The following AGBL1 variants were observed in gnomAD, a reference collection of about 807,000 sequenced individuals.
AGBL1 encodes the protein AGBL carboxypeptidase 1.
AGBL1 carries 130 observed loss-of-function variants against 118.9 expected under a neutral mutation model. The observed-to-expected ratio is 1.09, with a 90% CI of 0.95 to 1.26. The LOEUF (loss-of-function observed/expected upper bound fraction) is 1.26. Ranked by LOEUF, AGBL1 falls within the 50% of genes most tolerant of loss-of-function variation. The pLI is 0.00. For missense variants in AGBL1, 1,584 were observed against 1,298.1 expected (o/e 1.22, Z -3.38); for synonymous variants, 555 against 478.9 (o/e 1.16, Z -2.08).
At chr15:86,724,214 T>C (rs865970651) in intron 22 of AGBL1, among the ~76,000 whole-genome samples, 91 of 118,646 alleles carry the variant, frequency 7.7e-4, no homozygotes, top group African/African-American at 2.8e-3. Context: ...CCAGCCTGGA[T>C]GACAGAGTGA....
chr15:86,814,575 T>G (rs1470811), intron 22 of AGBL1, among the ~76,000 whole-genome samples: 102,420 of 151,980 alleles, frequency 0.67, 34,481 homozygotes, highest in Middle Eastern at 0.71. Context: ...CCATATTCCA[T>G]CAGGTAGAGA....
intron 22 of AGBL1, among the ~76,000 whole-genome samples, chr15:86,711,834 T>C (rs1013474973): frequency 1.3e-5 from 2 of 152,210 alleles, no homozygotes; most frequent in Non-Finnish European, 2.9e-5. Context: ...AAAAAAAGAT[T>C]GTCCACTCTT....
chr15:86,233,049 C>T (rs546122900), intron 6 of AGBL1, among the ~76,000 whole-genome samples: 1 of 152,284 alleles, frequency 6.6e-6, no homozygotes, highest in African/African-American at 2.4e-5. Context: ...ATTTTACATG[C>T]AAGGAAGGTG....
chr15:86,610,067 T>G (rs1319933255), intron 21 of AGBL1, among the ~76,000 whole-genome samples: 1 of 152,198 alleles, frequency 6.6e-6, no homozygotes, highest in Non-Finnish European at 1.5e-5. Context: ...CATCAAACTT[T>G]TAATGTCTCT....
chr15:86,444,530 A>C (rs562362181), intron 18 of AGBL1, among the ~76,000 whole-genome samples: 1 of 152,320 alleles, frequency 6.6e-6, no homozygotes, highest in East Asian at 1.9e-4. Context: ...GCCAAAAGCT[A>C]TCTGGGGGCA....
intron 22 of AGBL1, among the ~76,000 whole-genome samples, chr15:86,796,007 C>T (rs573368547): frequency 6.6e-6 from 1 of 152,110 alleles, no homozygotes; most frequent in African/African-American, 2.4e-5. Context: ...ATGAGGCACT[C>T]AAGACTATGC....
At chr15:86,785,117 C>A (rs767027414) in intron 22 of AGBL1, among the ~76,000 whole-genome samples, 13 of 152,098 alleles carry the variant, frequency 8.5e-5, no homozygotes, top group Non-Finnish European at 1.8e-4. Context: ...GGTGCACTCT[C>A]TGCCCTTTCC....
At chr15:86,886,238 T>C (rs370998926) in intron 22 of AGBL1, among the ~76,000 whole-genome samples, 1 of 152,350 alleles carries the variant, frequency 6.6e-6, no homozygotes, top group East Asian at 1.9e-4. Context: ...TATATTAGTA[T>C]ATTTGCCTAT....
At chr15:86,604,891 G>C (rs1272458079) in intron 21 of AGBL1, among the ~76,000 whole-genome samples, 1 of 150,884 alleles carries the variant, frequency 6.6e-6, no homozygotes, top group African/African-American at 2.4e-5. Context: ...CGCCTCCTGG[G>C]TTCAAACAAT....
chr15:86,846,943 A>AT (rs2141450094), intron 22 of AGBL1, among the ~76,000 whole-genome samples: 2 of 151,938 alleles, frequency 1.3e-5, no homozygotes, highest in East Asian at 3.9e-4. Flanking sequence ...TTAAGTTTCC[A>AT]TTTTTTATCT....
intron 22 of AGBL1, among the ~76,000 whole-genome samples, chr15:86,803,091 G>C (rs889635063): frequency 6.6e-5 from 10 of 152,098 alleles, no homozygotes; most frequent in Non-Finnish European, 1.5e-4. Flanking sequence ...GTATGGTGAA[G>C]AATTTAGATT....
At chr15:86,742,568 T>C (rs2141238483) in intron 22 of AGBL1, among the ~76,000 whole-genome samples, 1 of 152,244 alleles carries the variant, frequency 6.6e-6, no homozygotes, top group South Asian at 2.1e-4. Context: ...CTTCTGTTTG[T>C]CCCTATGTTC....
rs185137548 is a variant in AGBL1 at position 86,970,252 on chromosome 15, C to T, written c.3222-17735C>T. 3.5e-3 allele frequency among the ~76,000 whole-genome samples: 535 copies of T among 151,840 alleles called. 5 individuals carry two copies. The highest frequency in any genetic ancestry group is 4.8e-3 in the Non-Finnish European group (328 of 67,886). On this transcript the variant is annotated intron_variant, in intron 23 of 24. Transcript: ENST00000441037. ...TGGGAGGCAGGAAAAAGAAAGAAAC[C>T]CCAATTTCAATACAGGAATATTAAT...
intron 22 of AGBL1, among the ~76,000 whole-genome samples, chr15:86,890,399 TA>T (rs1319980181): frequency 6.6e-6 from 1 of 152,184 alleles, no homozygotes; most frequent in Non-Finnish European, 1.5e-5. Context: ...TTAGTTTAAT[TA>T]GACTCCATTT....
In AGBL1 at chr15:86,678,659, T is replaced by C. The variant is rs183405545; in HGVS notation, c.3158+4223T>C. The stretch of plus-strand genomic sequence containing the variant: ...TTTTGCTTTCAAGTAATTATGTTTA[T>C]CAATTCTTTTCTTTGCTTCTCTTAC... On this transcript the variant is annotated intron_variant, in intron 22 of 22. Transcript: ENST00000614907. Among the ~76,000 whole-genome samples, 344 of 152,248 alleles carry C rather than the reference T, an allele frequency of 2.3e-3. 1 individual carries two copies. Among genetic ancestry groups the C allele is most frequent in the Middle Eastern group, 0.01 (3 of 294 alleles).
intron 17 of AGBL1, among the ~76,000 whole-genome samples, chr15:86,337,571 C>G (rs1372427448): frequency 6.6e-6 from 1 of 152,158 alleles, no homozygotes; most frequent in African/African-American, 2.4e-5. Flanking sequence ...ATGGATGAAG[C>G]TGGAAGCCAT....
intron 5 of AGBL1, among the ~76,000 whole-genome samples, chr15:86,160,277 C>T (rs2077249224): frequency 6.6e-6 from 1 of 151,826 alleles, no homozygotes; most frequent in Non-Finnish European, 1.5e-5. Flanking sequence ...ATAAAAAACT[C>T]AGGGACCAAA....
intron 22 of AGBL1, among the ~76,000 whole-genome samples, chr15:86,897,393 C>A (rs987693884): frequency 6.6e-6 from 1 of 152,044 alleles, no homozygotes; most frequent in Non-Finnish European, 1.5e-5. Flanking sequence ...GTAAGTTTTT[C>A]TGTATATGAG....
chr15:86,663,669 A>G (rs1030534447), intron 21 of AGBL1, among the ~76,000 whole-genome samples: 1 of 152,104 alleles, frequency 6.6e-6, no homozygotes, highest in African/African-American at 2.4e-5. Flanking sequence ...GGGAATCTGG[A>G]AAGGTAGAAC....
Sources: gnomAD v4.1 joint callset for allele counts (sites outside exome capture counted in the v4.1 genomes callset) on GRCh38, gnomAD v4.1.1 for gene constraint, MANE v1.5 for transcripts, NCBI Gene and HGNC (gene_info 2026-07-23, HGNC 2026-07-21) for gene names.